The following ATXN7 variants were observed in gnomAD, a reference collection of about 807,000 sequenced individuals.
ATXN7 encodes the protein ataxin 7.
Under a neutral mutation model 70.5 loss-of-function variants are expected in ATXN7, and 12 were observed. That is an observed-to-expected ratio of 0.17 (90% confidence interval 0.11 to 0.28). ATXN7 has a LOEUF of 0.28. ATXN7 is among the 10% of genes least tolerant of loss of function. ATXN7 has a pLI of 1.00. For synonymous variants in ATXN7, 498 were observed against 448.7 expected (o/e 1.11, Z -1.39); for missense variants, 1,256 against 1,131.7 (o/e 1.11, Z -1.58).
At chr3:63,896,570 C>T (rs1703455498) in intron 1 of ATXN7, among the ~76,000 whole-genome samples, 1 of 152,110 alleles carries the variant, frequency 6.6e-6, no homozygotes, top group Non-Finnish European at 1.5e-5. Flanking sequence ...TCTGTTTCTT[C>T]AGTAGTAAAA....
At chr3:63,965,042 G>C (rs2075196749) in intron 5 of ATXN7, among the ~76,000 whole-genome samples, 2 of 152,236 alleles carry the variant, frequency 1.3e-5, no homozygotes, top group Middle Eastern at 3.4e-3. Flanking sequence ...TTGCCCTCCA[G>C]AGCACTGAAT....
intron 4 of ATXN7, among the ~76,000 whole-genome samples, chr3:63,920,106 A>G (rs1355629414): frequency 1.3e-5 from 2 of 152,168 alleles, no homozygotes; most frequent in East Asian, 3.9e-4. Context: ...TTTAGGCCCC[A>G]TATCTTTATA....
chr3:63,995,281 G>A lies in ATXN7; in HGVS notation c.1683-224G>A, dbSNP rs552476546. On this transcript the variant is annotated intron_variant, in intron 11 of 12. Transcript: ENST00000674280. ...GTGGGAGGTGGAGCTAGAGGCTGGGGCAATAGCAGCGGGGAGTTGCACACA... is the reference window on the plus strand; with the variant it reads ...GTGGGAGGTGGAGCTAGAGGCTGGGACAATAGCAGCGGGGAGTTGCACACA... Among the ~76,000 whole-genome samples, 5 of 152,058 alleles carry A rather than the reference G, an allele frequency of 3.3e-5. No individual in the cohort carries two copies. The South Asian group carries it at 1.0e-3, about 32-fold the overall frequency.
chr3:63,995,009 C>T (rs11708696), intron 11 of ATXN7, among the ~76,000 whole-genome samples: 2,474 of 152,300 alleles, frequency 0.016, 23 homozygotes, highest in Non-Finnish European at 0.019. Flanking sequence ...TAGCTGCACC[C>T]TTCCTTTTCT....
At chr3:63,984,759 T>C (rs2075546646) in intron 8 of ATXN7, among the ~76,000 whole-genome samples, 3 of 152,328 alleles carry the variant, frequency 2.0e-5, no homozygotes, top group Non-Finnish European at 4.4e-5. Flanking sequence ...ACTGAAACTT[T>C]ATGCTCATTG....
At chr3:63,876,206 T>C (rs1702746626) in intron 1 of ATXN7, among the ~76,000 whole-genome samples, 1 of 152,176 alleles carries the variant, frequency 6.6e-6, no homozygotes, top group Admixed American at 6.5e-5. Flanking sequence ...GAAAAATAAG[T>C]ATTTTTCATT....
At chr3:63,933,468 C>T (rs918312635) in intron 4 of ATXN7, among the ~76,000 whole-genome samples, 2 of 152,162 alleles carry the variant, frequency 1.3e-5, no homozygotes, top group African/African-American at 4.8e-5. Flanking sequence ...TTTTAATCCA[C>T]ACAAAATCTG....
At chr3:63,983,470 T>A (rs889416427) in intron 8 of ATXN7, among the ~76,000 whole-genome samples, 2 of 152,014 alleles carry the variant, frequency 1.3e-5, no homozygotes, top group African/African-American at 4.8e-5. Flanking sequence ...TTTTGAAATA[T>A]CCCTGTTTTC....
At chr3:63,899,425 G>A (rs937742869) in intron 2 of ATXN7, among the ~76,000 whole-genome samples, 1 of 151,984 alleles carries the variant, frequency 6.6e-6, no homozygotes, top group African/African-American at 2.4e-5. Context: ...GAGGATAGTG[G>A]TGAAGTTTCA....
chr3:63,888,482 C>T (rs1703154837), intron 1 of ATXN7, among the ~76,000 whole-genome samples: 1 of 152,110 alleles, frequency 6.6e-6, no homozygotes, highest in Admixed American at 6.5e-5. Context: ...ACTATTCTAT[C>T]ACTAAAAAGA....
At chr3:63,874,564 C>G (rs1575834142) in intron 1 of ATXN7, among the ~76,000 whole-genome samples, 1 of 152,182 alleles carries the variant, frequency 6.6e-6, no homozygotes, top group African/African-American at 2.4e-5. Flanking sequence ...GATATTTTCT[C>G]TATTTTTCAG....
chr3:63,925,564 A>G (rs1704685594), intron 4 of ATXN7, among the ~76,000 whole-genome samples: 1 of 152,178 alleles, frequency 6.6e-6, no homozygotes, highest in South Asian at 2.1e-4. Context: ...AACCCTGGTC[A>G]GTGGAAAAAT....
chr3:63,987,960 T>C, intron 8 of ATXN7, 99 bp from the exon 9 acceptor site: 2 of 1,427,380 alleles, frequency 1.4e-6, no homozygotes, highest in Non-Finnish European at 1.9e-6. Context: ...ATGCTTATGG[T>C]CTAGATTGCT....
At chr3:63,864,928 C>T (rs1702361765) in intron 1 of ATXN7, 1 of 152,124 alleles carries the variant, frequency 6.6e-6, no homozygotes, top group African/African-American at 2.4e-5. Context: ...AAACAGGCAC[C>T]AGTGCAGCTG....
chr3:63,879,950 G>A (rs1659900096), intron 1 of ATXN7, among the ~76,000 whole-genome samples: 1 of 151,796 alleles, frequency 6.6e-6, no homozygotes, highest in Admixed American at 6.6e-5. Context: ...GCCGGGTGTG[G>A]TGGCACGTGC....
chr3:63,986,278 G>GA (rs2075576878), intron 8 of ATXN7, among the ~76,000 whole-genome samples: 1 of 152,202 alleles, frequency 6.6e-6, no homozygotes, highest in Non-Finnish European at 1.5e-5. Flanking sequence ...CAGGGTTCCG[G>GA]AGCCTAGTTA....
At chr3:63,916,521 C>G (rs1439630846) in intron 4 of ATXN7, among the ~76,000 whole-genome samples, 1 of 152,066 alleles carries the variant, frequency 6.6e-6, no homozygotes, top group African/African-American at 2.4e-5. Context: ...TTGACCAACT[C>G]CTATCAGGCA....
intron 1 of ATXN7, among the ~76,000 whole-genome samples, chr3:63,885,018 T>C (rs1018282575): frequency 6.6e-6 from 1 of 151,938 alleles, no homozygotes; most frequent in Non-Finnish European, 1.5e-5. Flanking sequence ...GAGTGCAATA[T>C]GAAAAGGGAG....
intron 5 of ATXN7, among the ~76,000 whole-genome samples, chr3:63,952,990 T>G (rs2074981804): frequency 6.6e-6 from 1 of 152,080 alleles, no homozygotes; most frequent in South Asian, 2.1e-4. Context: ...AAGATTCTGA[T>G]TCTAAAACTT....
Sources: gnomAD v4.1 joint callset for allele counts (sites outside exome capture counted in the v4.1 genomes callset) on GRCh38, gnomAD v4.1.1 for gene constraint, MANE v1.5 for transcripts, NCBI Gene and HGNC (gene_info 2026-07-23, HGNC 2026-07-21) for gene names.